Variants in PAPOLA observed in about 807,000 individuals in gnomAD.
The protein encoded by PAPOLA is poly(A) polymerase alpha.
A neutral mutation model predicts 100.6 loss-of-function variants in PAPOLA; 15 were observed. The observed-to-expected ratio is 0.15, with a 90% CI of 0.10 to 0.23. The LOEUF is 0.23. Among genes scored for constraint, PAPOLA ranks in the 10% least tolerant of loss-of-function variants. The pLI, the probability that PAPOLA is intolerant of heterozygous loss-of-function variation, is 1.00. For missense variants in PAPOLA, 533 were observed against 884.2 expected, an observed-to-expected ratio of 0.60 and a Z score of 5.04; for synonymous variants, 293 against 300.0, an observed-to-expected ratio of 0.98 and a Z score of 0.24.
intron 10 of PAPOLA, 174 bp downstream of exon 10, chr14:96,534,737 A>C: frequency 7.0e-7 from 1 of 1,427,944 alleles, no homozygotes; most frequent in Non-Finnish European, 9.1e-7. Flanking sequence ...TTGATGTGAG[A>C]AGCATAATTA....
intron 21 of PAPOLA, among the ~76,000 whole-genome samples, chr14:96,563,735 T>C (rs1028582662): frequency 3.3e-5 from 5 of 152,160 alleles, no homozygotes; most frequent in Non-Finnish European, 5.9e-5. Flanking sequence ...TATATAAATA[T>C]TATGTTTAGT....
intron 1 of PAPOLA, among the ~76,000 whole-genome samples, chr14:96,514,988 A>G (rs1897354764): frequency 1.3e-5 from 1 of 74,518 alleles, no homozygotes. Context: ...TGCTGTTACC[A>G]GAAGTCACAG....
chr14:96,533,394 A>T, intron 9 of PAPOLA: 1 of 982,512 alleles, frequency 1.0e-6, no homozygotes, highest in Non-Finnish European at 1.2e-6. Flanking sequence ...TATAAAAATT[A>T]GTTATTTGAG....
At chr14:96,530,176 T>C (rs1355804061) in intron 6 of PAPOLA, among the ~76,000 whole-genome samples, 7 of 152,150 alleles carry the variant, frequency 4.6e-5, no homozygotes, top group African/African-American at 1.4e-4. Flanking sequence ...ATTTGGGTAC[T>C]TTTTAGTATG....
intron 1 of PAPOLA, among the ~76,000 whole-genome samples, chr14:96,508,163 G>A (rs904622648): frequency 6.6e-6 from 1 of 152,108 alleles, no homozygotes; most frequent in Non-Finnish European, 1.5e-5. Context: ...GGCCCACCAC[G>A]CCTGGCCTCT....
intron 5 of PAPOLA, 63 bp from the exon 6 acceptor site, chr14:96,527,890 T>G: frequency 8.7e-7 from 1 of 1,144,450 alleles, no homozygotes; most frequent in African/African-American, 1.5e-5. Context: ...GCTAAAGTAC[T>G]AAAACTAGTA....
intron 1 of PAPOLA, among the ~76,000 whole-genome samples, chr14:96,519,300 T>C (rs1897745427): frequency 6.6e-6 from 1 of 152,176 alleles, no homozygotes; most frequent in Non-Finnish European, 1.5e-5. Context: ...TTCCTTATTG[T>C]GTACTTGGTT....
chr14:96,532,850 C>T, intron 9 of PAPOLA: 1 of 1,298,832 alleles, frequency 7.7e-7, no homozygotes, highest in East Asian at 3.1e-5. Flanking sequence ...GATAGTAAGG[C>T]AGATTCTATT....
At chr14:96,519,011 C>T (rs758356123) in intron 1 of PAPOLA, among the ~76,000 whole-genome samples, 7 of 151,912 alleles carry the variant, frequency 4.6e-5, no homozygotes, top group Non-Finnish European at 7.4e-5. Context: ...GAGCTGAGAT[C>T]GTACCACTGT....
chr14:96,536,134 G>A, intron 11 of PAPOLA, 135 bp downstream of exon 11: 4 of 589,172 alleles, frequency 6.8e-6, no homozygotes, highest in Non-Finnish European at 1.1e-5. Flanking sequence ...ATTTATTACA[G>A]TATATATTTG....
In PAPOLA at chr14:96,540,699, A is replaced by G. The variant is rs143305092; in HGVS notation, c.1116-1544A>G. 3.6e-3 allele frequency among the ~76,000 whole-genome samples: 544 copies of G among 152,270 alleles called. 1 individual carries two copies. The highest frequency in any genetic ancestry group is 0.031 in the Middle Eastern group (9 of 294). On this transcript the variant is annotated intron_variant, in intron 12 of 21. Transcript: ENST00000216277. ...GTAGGAGTTTGGACTGCATATTCACATATCCCTATATACCTTGTTTTTTAT... is the reference window on the plus strand; with the variant it reads ...GTAGGAGTTTGGACTGCATATTCACGTATCCCTATATACCTTGTTTTTTAT...
intron 1 of PAPOLA, among the ~76,000 whole-genome samples, chr14:96,505,325 G>A (rs1175356861): frequency 1.3e-5 from 2 of 152,136 alleles, no homozygotes; most frequent in Admixed American, 6.5e-5. Context: ...GTGCCCTGGG[G>A]TGCAAAATCT....
At chr14:96,552,712 G>T in intron 17 of PAPOLA, 90 bp downstream of exon 17, 1 of 1,174,976 alleles carries the variant, frequency 8.5e-7, no homozygotes, top group Non-Finnish European at 1.2e-6. Flanking sequence ...CATCTATTTA[G>T]AATGTTATTT....
rs1899471212 is a variant in PAPOLA at position 96,535,769 on chromosome 14, A to G, written c.910-110A>G. ...TGGTTTTTCTTTCTCAACTCCAGCT[A>G]TGAATGAAATAAAAAATAGAATCAT... On this transcript the variant is annotated intron_variant, in intron 10 of 21. Coordinates refer to ENST00000216277, the MANE Select transcript of PAPOLA (RefSeq NM_032632.5). The G allele has an allele frequency of 7.9e-6, 8 of 1,006,628 alleles. No homozygotes were observed. In the South Asian group the frequency reaches 1.1e-4, roughly 13 times the overall value. 62.4% of individuals were successfully genotyped at this position (1,006,628 alleles called of 1,614,324 possible).
intron 4 of PAPOLA, chr14:96,527,210 G>T: frequency 4.2e-6 from 2 of 471,366 alleles, no homozygotes; most frequent in Non-Finnish European, 7.5e-6. Context: ...AGTTTACTTG[G>T]GCCACTATAA....
At chr14:96,562,995 C>T (rs916280071) in intron 21 of PAPOLA, 102 bp downstream of exon 21, 2 of 697,076 alleles carry the variant, frequency 2.9e-6, no homozygotes, top group East Asian at 2.6e-5. Context: ...TAAAATTAAT[C>T]TTTCTGAAAG....
intron 3 of PAPOLA, among the ~76,000 whole-genome samples, chr14:96,524,175 T>G (rs1172077953): frequency 1.3e-5 from 2 of 151,826 alleles, no homozygotes; most frequent in Non-Finnish European, 2.9e-5. Context: ...TACTGAGGAG[T>G]TAGGTAAAAG....
In PAPOLA at chr14:96,503,456, C is replaced by T. The variant is rs533710351; in HGVS notation, c.8+856C>T. Among the ~76,000 whole-genome samples, 14 of 151,732 alleles carry T rather than the reference C, an allele frequency of 9.2e-5. No individual in the cohort carries two copies. In the East Asian group the frequency reaches 2.7e-3, roughly 29 times the overall value. ...GTGGGTTTTTAAAAAGTTTTTTTCT[C>T]CCCTCCCCCTTTCTGATAATGAGAT... On this transcript the variant is annotated intron_variant, in intron 1 of 21. Coordinates refer to ENST00000216277, the MANE Select transcript of PAPOLA (RefSeq NM_032632.5).
intron 13 of PAPOLA, 73 bp from the exon 14 acceptor site, chr14:96,542,701 G>T (rs1441119371): frequency 1.5e-6 from 2 of 1,373,626 alleles, no homozygotes; most frequent in African/African-American, 1.5e-5. Flanking sequence ...GAAATGCCCT[G>T]GTATGTGCAT....
Sources: allele counts gnomAD v4.1 joint callset (sites outside exome capture counted in the v4.1 genomes callset), GRCh38; gene constraint gnomAD v4.1.1; transcripts MANE v1.5; gene names NCBI Gene and HGNC (gene_info 2026-07-23, HGNC 2026-07-21).